Variants in EPHB1 observed in about 807,000 individuals in gnomAD.
EPHB1 encodes the protein EPH receptor B1.
A neutral mutation model predicts 94.4 loss-of-function variants in EPHB1; 30 were observed. The ratio of observed to expected loss-of-function variants is 0.32; its 90% CI spans 0.24 to 0.43. The LOEUF (loss-of-function observed/expected upper bound fraction) is 0.43, where lower values mean the gene tolerates loss of function less well. Ranked by LOEUF, EPHB1 falls within the 20% of genes least tolerant of loss-of-function variation. The pLI is 1.00. For missense variants in EPHB1, 1,055 were observed against 1,308.3 expected, an observed-to-expected ratio of 0.81 and a Z score of 2.99; for synonymous variants, 522 against 489.1, an observed-to-expected ratio of 1.07 and a Z score of -0.89.
At chr3:134,887,021 T>C (rs894248291) in intron 1 of EPHB1, among the ~76,000 whole-genome samples, 1 of 152,222 alleles carries the variant, frequency 6.6e-6, no homozygotes, top group Non-Finnish European at 1.5e-5. Flanking sequence ...GCAGTGGTTC[T>C]CCATTGCTGG....
intron 5 of EPHB1, among the ~76,000 whole-genome samples, chr3:135,150,101 C>T (rs1941147253): frequency 6.6e-6 from 1 of 152,198 alleles, no homozygotes; most frequent in African/African-American, 2.4e-5. Flanking sequence ...TTAATGATGG[C>T]TTTCCAGAGA....
chr3:134,846,278 G>T (rs1466238496), intron 1 of EPHB1, among the ~76,000 whole-genome samples: 1 of 152,194 alleles, frequency 6.6e-6, no homozygotes, highest in Non-Finnish European at 1.5e-5. Context: ...CGGTGTTGTG[G>T]CCGAACAGAA....
In EPHB1 at chr3:135,171,913, T is replaced by A. The variant is rs116746720; in HGVS notation, c.1759+4907T>A. 5.0e-3 allele frequency among the ~76,000 whole-genome samples: 765 copies of A among 152,314 alleles called. 10 individuals are homozygous for A. Among genetic ancestry groups the A allele is most frequent in the African/African-American group, 0.018 (731 of 41,564 alleles). ...CTGTTCAGAGTCTTGGAATTAGTGATTTGCAAAACAAGGTTTAAAACTCAG... is the reference window on the plus strand; with the variant it reads ...CTGTTCAGAGTCTTGGAATTAGTGAATTGCAAAACAAGGTTTAAAACTCAG... On this transcript the variant is annotated intron_variant, in intron 9 of 15. Transcript: ENST00000398015.
chr3:135,102,977 G>T (rs1349800628), intron 3 of EPHB1, among the ~76,000 whole-genome samples: 1 of 152,092 alleles, frequency 6.6e-6, no homozygotes, highest in Non-Finnish European at 1.5e-5. Context: ...GGCCTGTTGG[G>T]GGGTGGGGGC....
intron 3 of EPHB1, among the ~76,000 whole-genome samples, chr3:135,033,108 T>C (rs1936536577): frequency 6.6e-6 from 1 of 152,134 alleles, no homozygotes; most frequent in Non-Finnish European, 1.5e-5. Context: ...TGACTAGCAC[T>C]AGGAGCAGTG....
intron 1 of EPHB1, among the ~76,000 whole-genome samples, chr3:134,917,036 A>C (rs1451921752): frequency 6.6e-6 from 1 of 152,242 alleles, no homozygotes; most frequent in Non-Finnish European, 1.5e-5. Context: ...CTTCTAAAGT[A>C]AGTTCCATAT....
At chr3:134,835,142 CAGG>C (rs1418979553) in intron 1 of EPHB1, among the ~76,000 whole-genome samples, 1 of 152,184 alleles carries the variant, frequency 6.6e-6, no homozygotes, top group Non-Finnish European at 1.5e-5. Context: ...CAGGTAACTG[CAGG>C]AGTAGCTGTG....
At chr3:135,238,019 T>C (rs1279909040) in intron 12 of EPHB1, among the ~76,000 whole-genome samples, 2 of 152,160 alleles carry the variant, frequency 1.3e-5, no homozygotes, top group Non-Finnish European at 2.9e-5. Flanking sequence ...TTCACATAAT[T>C]GAAGACAAGT....
intron 12 of EPHB1, among the ~76,000 whole-genome samples, chr3:135,225,848 G>A (rs1943383598): frequency 6.6e-6 from 1 of 152,012 alleles, no homozygotes; most frequent in South Asian, 2.1e-4. Flanking sequence ...AAGCAGGACA[G>A]GCAGGGAAGC....
intron 3 of EPHB1, among the ~76,000 whole-genome samples, chr3:135,084,394 C>T (rs961796976): frequency 2.6e-5 from 4 of 152,070 alleles, no homozygotes; most frequent in South Asian, 2.1e-4. Context: ...AGATTAGCCT[C>T]GTGGAGCTGG....
intron 3 of EPHB1, among the ~76,000 whole-genome samples, chr3:135,024,749 C>G (rs946795240): frequency 6.6e-6 from 1 of 152,170 alleles, no homozygotes; most frequent in South Asian, 2.1e-4. Flanking sequence ...CTCCCCTACC[C>G]CATTCTTTTC....
intron 3 of EPHB1, among the ~76,000 whole-genome samples, chr3:135,004,685 C>A (rs2107745112): frequency 6.6e-6 from 1 of 151,356 alleles, no homozygotes; most frequent in South Asian, 2.1e-4. Flanking sequence ...TCTAAACTTC[C>A]CTTCTCGCTT....
At chr3:135,153,318 C>A (rs1941250283) in intron 5 of EPHB1, among the ~76,000 whole-genome samples, 1 of 152,164 alleles carries the variant, frequency 6.6e-6, no homozygotes, top group African/African-American at 2.4e-5. Context: ...ATCCATTACC[C>A]ACCTCTTCCC....
At chr3:135,030,240 C>A (rs549654062) in intron 3 of EPHB1, among the ~76,000 whole-genome samples, 7 of 152,216 alleles carry the variant, frequency 4.6e-5, no homozygotes, top group African/African-American at 1.2e-4. Flanking sequence ...AGTCATTCTC[C>A]GTCCAGCTTT....
At chr3:134,839,714 T>C (rs1464454225) in intron 1 of EPHB1, among the ~76,000 whole-genome samples, 6 of 152,194 alleles carry the variant, frequency 3.9e-5, no homozygotes, top group Non-Finnish European at 7.3e-5. Context: ...TGGTGAGTAA[T>C]GGGGGATGGA....
At chr3:134,919,284 A>C (rs900133141) in intron 1 of EPHB1, among the ~76,000 whole-genome samples, 1 of 152,190 alleles carries the variant, frequency 6.6e-6, no homozygotes, top group African/African-American at 2.4e-5. Flanking sequence ...GAGGGAGAAG[A>C]TTTAGATGGG....
chr3:135,161,022 TAAG>T (rs1191380957), intron 6 of EPHB1, among the ~76,000 whole-genome samples: 1 of 152,180 alleles, frequency 6.6e-6, no homozygotes, highest in African/African-American at 2.4e-5. Flanking sequence ...TGATAGTTTT[TAAG>T]AAAAGAAGTG....
At chr3:135,052,045 A>G (rs1351639680) in intron 3 of EPHB1, among the ~76,000 whole-genome samples, 2 of 152,254 alleles carry the variant, frequency 1.3e-5, no homozygotes, top group African/African-American at 2.4e-5. Flanking sequence ...ATAATGTAAC[A>G]CATGACTTTG....
rs1182768947 is a variant in EPHB1 at position 135,201,252 on chromosome 3, G to C, written c.2131-222G>C. 2.0e-5 allele frequency among the ~76,000 whole-genome samples: 3 copies of C among 151,806 alleles called. No individual in the cohort carries two copies. In the South Asian group the frequency reaches 6.3e-4, roughly 32 times the overall value. On this transcript the variant is annotated intron_variant, in intron 11 of 15. Coordinates refer to ENST00000398015, the MANE Select transcript of EPHB1 (RefSeq NM_004441.5). ...GAGATGGAAAGAAGTGAATGGGTTTGAGATGTAATTTGGAGACAAAATTGA... is the reference window on the plus strand; with the variant it reads ...GAGATGGAAAGAAGTGAATGGGTTTCAGATGTAATTTGGAGACAAAATTGA...
Sources: gnomAD v4.1 joint callset for allele counts (sites outside exome capture counted in the v4.1 genomes callset) on GRCh38, gnomAD v4.1.1 for gene constraint, MANE v1.5 for transcripts, NCBI Gene and HGNC (gene_info 2026-07-23, HGNC 2026-07-21) for gene names.